The following SCN3A variants were observed in gnomAD, a reference collection of about 807,000 sequenced individuals.
The protein encoded by SCN3A is sodium channel protein type 3 subunit alpha.
In SCN3A, 60 loss-of-function variants were observed where a neutral mutation model predicts 187.6. The ratio of observed to expected loss-of-function variants is 0.32; its 90% CI spans 0.26 to 0.40. The LOEUF (loss-of-function observed/expected upper bound fraction) is 0.40. SCN3A is among the 10% of genes least tolerant of loss of function. SCN3A has a pLI of 1.00. For missense variants in SCN3A, 1,601 were observed against 2,428.2 expected (o/e 0.66, Z 7.16); for synonymous variants, 788 against 829.2 (o/e 0.95, Z 0.85).
intron 1 of SCN3A, among the ~76,000 whole-genome samples, chr2:165,201,738 C>A (rs1487789992): frequency 5.3e-5 from 8 of 151,964 alleles, no homozygotes; most frequent in Admixed American, 5.3e-4. Context: ...AAGGAACTGG[C>A]CAAGAAACGC....
At chr2:165,097,582 T>G (rs987927084) in intron 22 of SCN3A, 58 bp from the exon 23 acceptor site, 1 of 1,574,222 alleles carries the variant, frequency 6.4e-7, no homozygotes, top group Non-Finnish European at 8.7e-7. Context: ...AAACCATTCC[T>G]TCAATGTATT....
chr2:165,102,520 TA>T (rs571998698), intron 21 of SCN3A, among the ~76,000 whole-genome samples: 24 of 145,668 alleles, frequency 1.6e-4, no homozygotes, highest in Middle Eastern at 3.5e-3. Context: ...CTTTTCTCTT[TA>T]AAAAAAAAAA....
intron 18 of SCN3A, among the ~76,000 whole-genome samples, chr2:165,116,282 AG>A (rs1314070282): frequency 1.3e-5 from 2 of 152,206 alleles, no homozygotes; most frequent in East Asian, 3.8e-4. Flanking sequence ...GAATCTCTAT[AG>A]ACTTTCATTA....
chr2:165,104,099 T>C (rs942908442), intron 21 of SCN3A, among the ~76,000 whole-genome samples: 5 of 152,064 alleles, frequency 3.3e-5, no homozygotes, highest in Non-Finnish European at 7.4e-5. Context: ...GATAAATACA[T>C]TTTTCATCTT....
chr2:165,094,231 T>G, intron 26 of SCN3A, 143 bp downstream of exon 26: 1 of 759,950 alleles, frequency 1.3e-6, no homozygotes, highest in Non-Finnish European at 2.4e-6. Flanking sequence ...GCAGAAGTTG[T>G]GAATTATGAT....
intron 11 of SCN3A, 145 bp from the exon 12 acceptor site, chr2:165,147,174 T>C (rs894796191): frequency 1.1e-6 from 1 of 901,720 alleles, no homozygotes; most frequent in African/African-American, 1.7e-5. Context: ...ACCACAAGAG[T>C]TTACTTAACA....
At chr2:165,191,027 A>C (rs1691570491) in intron 1 of SCN3A, among the ~76,000 whole-genome samples, 1 of 150,110 alleles carries the variant, frequency 6.7e-6, no homozygotes, top group African/African-American at 2.5e-5. Context: ...CACTTTGACA[A>C]TACCTAGCTT....
At chr2:165,114,735 T>C (rs185406675) in intron 19 of SCN3A, among the ~76,000 whole-genome samples, 13 of 152,282 alleles carry the variant, frequency 8.5e-5, no homozygotes, top group Non-Finnish European at 1.9e-4. Flanking sequence ...ATTAACCACA[T>C]TGGAACTGTA....
In SCN3A at chr2:165,089,998, G is replaced by T. The variant is rs1298803127; in HGVS notation, c.*152C>A. The T allele has an allele frequency of 2.0e-6, 2 of 1,010,726 alleles. No homozygotes were observed. Among genetic ancestry groups the T allele is most frequent in the South Asian group, 3.4e-5 (2 of 59,168 alleles). The allele number at this position is 1,010,726 out of a possible 1,614,324, so 62.6% of individuals were successfully genotyped here. On this transcript the variant is annotated 3_prime_UTR_variant, in exon 28 of 28. Transcript: ENST00000283254. ...CTTCACAGAGTTGCAGTGACAGAGA[G>T]GTCACTTCACTGTCTTGTATAGGCA... is the stretch of plus-strand genomic sequence containing the variant.
chr2:165,165,024 A>G (rs1409468328), intron 5 of SCN3A, among the ~76,000 whole-genome samples: 1 of 152,212 alleles, frequency 6.6e-6, no homozygotes, highest in African/African-American at 2.4e-5. Context: ...CTCATCAGAC[A>G]GTACAACTTT....
chr2:165,162,264 T>C, intron 9 of SCN3A, 44 bp downstream of exon 9: 2 of 1,548,222 alleles, frequency 1.3e-6, no homozygotes, highest in Non-Finnish European at 1.8e-6. Context: ...CTTTTTTTTT[T>C]CGCAAAGAGT....
intron 22 of SCN3A, among the ~76,000 whole-genome samples, chr2:165,099,624 G>A (rs1007238521): frequency 1.3e-5 from 2 of 152,182 alleles, no homozygotes; most frequent in African/African-American, 2.4e-5. Context: ...GGCTGAGGCA[G>A]GAGAATGGCG....
chr2:165,127,091 C>T (rs1687040659), intron 18 of SCN3A, among the ~76,000 whole-genome samples: 1 of 152,120 alleles, frequency 6.6e-6, no homozygotes, highest in Non-Finnish European at 1.5e-5. Flanking sequence ...TAGGGTCTTG[C>T]TTTGTCACTC....
chr2:165,115,350 A>C (rs1686314459), intron 19 of SCN3A, 105 bp downstream of exon 19: 5 of 1,494,494 alleles, frequency 3.3e-6, no homozygotes, highest in Admixed American at 1.7e-5. Flanking sequence ...TACAGGCATA[A>C]GCCACCACAC....
rs1304665415 is a variant in SCN3A at position 165,170,511 on chromosome 2, C to T, written c.302G>A (p.Arg101Gln). Residue 101 changes from arginine to glutamine, a missense_variant, in exon 4 of 28, where the codon CGA (arginine) becomes CAA (glutamine). By Grantham distance (43) the Arg-to-Gln change is conservative (BLOSUM62 1). Transcript: ENST00000283254. ...IVMNKGKAIF[R>Q]FSATSALYIL... ...ATACAAGGCAGAGGTGGCACTGAATCGGAAAATTGCCTTTCCTTTATTCAT... is the reference window on the plus strand; with the variant it reads ...ATACAAGGCAGAGGTGGCACTGAATTGGAAAATTGCCTTTCCTTTATTCAT... 1.2e-6 allele frequency: 2 copies of T among 1,610,822 alleles called. No individual in the cohort carries two copies. Among genetic ancestry groups the T allele is most frequent in the Non-Finnish European group, 1.7e-6 (2 of 1,177,868 alleles).
At chr2:165,107,635 C>T (rs970961838) in intron 21 of SCN3A, among the ~76,000 whole-genome samples, 5 of 152,334 alleles carry the variant, frequency 3.3e-5, no homozygotes, top group Admixed American at 2.0e-4. Context: ...CAATCACCTT[C>T]GGTGTCATGT....
chr2:165,170,937 T>TCAAATCAC, intron 3 of SCN3A, among the ~76,000 whole-genome samples: 1 of 151,996 alleles, frequency 6.6e-6, no homozygotes, highest in Admixed American at 6.6e-5. Flanking sequence ...ATTTTAATCA[T>TCAAATCAC]ATCAAATCTT....
rs1685003749 is a variant in SCN3A, at chr2:165,090,096, T to G, written c.*54A>C. On this transcript the variant is annotated 3_prime_UTR_variant, in exon 28 of 28. Coordinates refer to ENST00000283254, the MANE Select transcript of SCN3A (RefSeq NM_006922.4). The surrounding 1 kb of genome is among the most constrained non-coding windows in gnomAD (Gnocchi z 4.0). ...CTTGAAGTCCAGTTGACACATATAC[T>G]TTACCTTCATAGGCTGTAAACAATT... 11 of 1,547,600 alleles carry G rather than the reference T, an allele frequency of 7.1e-6. No individual in the cohort carries two copies. The highest frequency in any genetic ancestry group is 9.6e-6 in the Non-Finnish European group (11 of 1,146,714).
intron 5 of SCN3A, among the ~76,000 whole-genome samples, chr2:165,166,015 G>A (rs911302029): frequency 4.6e-5 from 7 of 152,116 alleles, no homozygotes; most frequent in Non-Finnish European, 5.9e-5. Context: ...CATAATCACC[G>A]TGATATTTCT....
Sources: gnomAD v4.1 joint callset for allele counts (sites outside exome capture counted in the v4.1 genomes callset) on GRCh38, gnomAD v4.1.1 for gene constraint, Gnocchi (gnomAD v3.1) non-coding constraint, MANE v1.5 for transcripts, NCBI Gene and HGNC (gene_info 2026-07-23, HGNC 2026-07-21) for gene names.